SASH1: variants seen among roughly 807,000 people sequenced by gnomAD.
The protein encoded by SASH1 is SAM and SH3 domain containing 1.
In SASH1, 44 loss-of-function variants were observed where a neutral mutation model predicts 125.2. The ratio of observed to expected loss-of-function variants is 0.35; its 90% confidence interval spans 0.28 to 0.45. The LOEUF is 0.45. Among genes scored for constraint, SASH1 ranks in the 20% least tolerant of loss-of-function variants. SASH1 has a pLI of 1.00. For synonymous variants in SASH1, 639 were observed against 649.1 expected (o/e 0.98, Z 0.24); for missense variants, 1,426 against 1,614.5 (o/e 0.88, Z 2.00).
upstream of SASH1, among the ~76,000 whole-genome samples, chr6:148,269,465 C>T (rs1313719729): frequency 6.6e-6 from 1 of 152,156 alleles, no homozygotes; most frequent in Non-Finnish European, 1.5e-5. Flanking sequence ...GAGACAAAGT[C>T]TCACCATGTT....
chr6:148,195,464 A>T, the SASH1 span, among the ~76,000 whole-genome samples: 1 of 152,356 alleles, frequency 6.6e-6, no homozygotes, highest in South Asian at 2.1e-4. Context: ...TCAGATAGTC[A>T]CATGAGAGAA....
At chr6:148,200,558 G>A in the SASH1 span, among the ~76,000 whole-genome samples, 5 of 152,208 alleles carry the variant, frequency 3.3e-5, no homozygotes, top group African/African-American at 4.8e-5. Flanking sequence ...ATCCAAGTGC[G>A]TGCCAAGGCG....
chr6:148,312,824 G>A (rs1366209158), intron 1 of SASH1, among the ~76,000 whole-genome samples: 1 of 152,084 alleles, frequency 6.6e-6, no homozygotes, highest in South Asian at 2.1e-4. Context: ...TGTCCTATAG[G>A]GATAAGAAGA....
At chr6:148,229,168 G>A in the SASH1 span, among the ~76,000 whole-genome samples, 6 of 144,024 alleles carry the variant, frequency 4.2e-5, no homozygotes, top group East Asian at 1.3e-3. Context: ...CACTTAACTG[G>A]CTAAAATGAC....
chr6:148,425,932 G>A (rs1775801797), intron 2 of SASH1, among the ~76,000 whole-genome samples: 2 of 152,034 alleles, frequency 1.3e-5, no homozygotes, highest in South Asian at 4.2e-4. Context: ...CTTCTGGCCA[G>A]GCGTGGTGGC....
intron 1 of SASH1, among the ~76,000 whole-genome samples, chr6:148,276,779 G>A (rs1044771329): frequency 1.3e-5 from 2 of 152,064 alleles, no homozygotes; most frequent in Admixed American, 1.3e-4. Flanking sequence ...GTAGTTCCAA[G>A]TACTTCACAT....
intron 1 of SASH1, among the ~76,000 whole-genome samples, chr6:148,294,642 A>G (rs1385933318): frequency 6.6e-6 from 1 of 152,198 alleles, no homozygotes; most frequent in Non-Finnish European, 1.5e-5. Context: ...TGGAATTGCT[A>G]ATGCCCCACG....
At chr6:148,486,765 A>T (rs181526965) in intron 7 of SASH1, among the ~76,000 whole-genome samples, 2,185 of 147,766 alleles carry the variant, frequency 0.015, 62 homozygotes, top group African/African-American at 0.052. Flanking sequence ...AAAAAAAAAA[A>T]AATACAAAAA....
rs575470188 is a variant in SASH1 at position 148,454,042 on chromosome 6, C to A, written c.386+13635C>A. Among the ~76,000 whole-genome samples the A allele has an allele frequency of 5.3e-5, 8 of 152,266 alleles. No homozygotes were observed. In the East Asian group the frequency reaches 1.4e-3, roughly 26 times the overall value. ...GGCAGTTCAGCAAAAACAATGCCTGCAAAGTGAAGAGAGCAAGGACAAAGT... is the reference window on the plus strand; with the variant it reads ...GGCAGTTCAGCAAAAACAATGCCTGAAAAGTGAAGAGAGCAAGGACAAAGT... On this transcript the variant is annotated intron_variant, in intron 4 of 19. Coordinates refer to ENST00000367467, the MANE Select transcript of SASH1 (RefSeq NM_015278.5).
intron 1 of SASH1, among the ~76,000 whole-genome samples, chr6:148,359,409 G>A (rs1373311547): frequency 1.3e-5 from 2 of 150,412 alleles, no homozygotes; most frequent in Non-Finnish European, 2.9e-5. Flanking sequence ...CCAATACCGT[G>A]CGCTCATTTT....
chr6:148,307,103 TCTGTC>T, intron 1 of SASH1, among the ~76,000 whole-genome samples: 1 of 150,096 alleles, frequency 6.7e-6, no homozygotes, highest in African/African-American at 2.5e-5. Flanking sequence ...TTTCTCTCTC[TCTGTC>T]TCTTTCTTTC....
chr6:148,226,287 T>C, the SASH1 span, among the ~76,000 whole-genome samples: 1 of 152,216 alleles, frequency 6.6e-6, no homozygotes, highest in African/African-American at 2.4e-5. Flanking sequence ...ACTTAATGGA[T>C]TGATTTTTTA....
rs1174644909 is a variant in SASH1 at position 148,302,311 on chromosome 6, CAA to C, written n.74+29963_74+29964del. 1.9e-3 allele frequency among the ~76,000 whole-genome samples: 87 copies of C among 44,862 alleles called. 1 individual carries two copies. Among genetic ancestry groups the C allele is most frequent in the African/African-American group, 6.7e-3 (77 of 11,512 alleles). 29.4% of individuals were successfully genotyped at this position (44,862 alleles called of 152,430 possible). A position where few individuals can be genotyped will look rare whatever the true frequency, so the allele number is the denominator to read the frequency against. On this transcript the variant is annotated intron_variant and non_coding_transcript_variant, in intron 1 of 3. Transcript: ENST00000367469. ...TGGGCGACAGAGCAAGACTCCGTCT[CAA>C]AAAAAAAAAAAAAAAAAAAAAAAAA...
chr6:148,543,539 A>G (rs1782355765), intron 17 of SASH1, 141 bp from the exon 18 acceptor site: 4 of 652,222 alleles, frequency 6.1e-6, no homozygotes, highest in Non-Finnish European at 9.9e-6. Context: ...CGATGTCATA[A>G]ATGGTGATTT....
At chr6:148,362,236 T>G (rs1306122826) in intron 1 of SASH1, among the ~76,000 whole-genome samples, 3 of 150,270 alleles carry the variant, frequency 2.0e-5, no homozygotes, top group African/African-American at 4.9e-5. Flanking sequence ...CTCTTTTTTT[T>G]TTTTGAGATG....
intron 1 of SASH1, among the ~76,000 whole-genome samples, chr6:148,348,075 C>A (rs1037730784): frequency 3.9e-5 from 6 of 152,070 alleles, no homozygotes; most frequent in African/African-American, 1.4e-4. Context: ...GGTGCAATCT[C>A]CGGTCACTGC....
chr6:148,456,719 G>C (rs1212765887), intron 4 of SASH1, among the ~76,000 whole-genome samples: 2 of 151,758 alleles, frequency 1.3e-5, no homozygotes, highest in African/African-American at 4.8e-5. Context: ...AAAATTAGCT[G>C]GACATGGTGG....
chr6:148,253,770 G>C, the SASH1 span, among the ~76,000 whole-genome samples: 111 of 152,258 alleles, frequency 7.3e-4, no homozygotes, highest in Admixed American at 1.4e-3. Flanking sequence ...TACTGGGGAG[G>C]CTGAGGCAGG....
At chr6:148,286,566 G>A (rs1005013811) in intron 1 of SASH1, among the ~76,000 whole-genome samples, 2 of 152,128 alleles carry the variant, frequency 1.3e-5, no homozygotes, top group African/African-American at 4.8e-5. Flanking sequence ...GGTGTCCACA[G>A]GATTGGTGTC....
Sources: allele counts gnomAD v4.1 joint callset (sites outside exome capture counted in the v4.1 genomes callset), GRCh38; gene constraint gnomAD v4.1.1; transcripts MANE v1.5; gene names NCBI Gene and HGNC (gene_info 2026-07-23, HGNC 2026-07-21).